The following IQCM variants were observed in gnomAD, a reference collection of about 807,000 sequenced individuals.
IQCM encodes the protein IQ domain-containing protein M.
IQCM carries 45 observed loss-of-function variants against 57.6 expected under a neutral mutation model. That is an observed-to-expected ratio of 0.78 (90% CI 0.62 to 1.00). IQCM has a LOEUF of 1.00. Among genes scored for constraint, IQCM ranks in the 50% least tolerant of loss-of-function variants. The probability of loss-of-function intolerance (pLI) is 0.00; values close to 1 mark genes in which losing one functional copy is unlikely to be tolerated. For synonymous variants in IQCM, 148 were observed against 158.9 expected, an observed-to-expected ratio of 0.93 and a Z score of 0.51; for missense variants, 468 against 511.6, an observed-to-expected ratio of 0.91 and a Z score of 0.82.
intron 13 of IQCM, among the ~76,000 whole-genome samples, chr4:149,376,747 AT>A (rs956789142): frequency 1.3e-5 from 2 of 152,238 alleles, no homozygotes; most frequent in African/African-American, 2.4e-5. Context: ...AATTAAACAT[AT>A]TTTTTGGGTC....
intron 9 of IQCM, among the ~76,000 whole-genome samples, chr4:149,584,116 T>C (rs2149992507): frequency 6.6e-6 from 1 of 151,662 alleles, no homozygotes; most frequent in African/African-American, 2.4e-5. Context: ...TTAAGACAAA[T>C]AGATATTTTA....
At chr4:149,723,042 G>A (rs996356088) in intron 5 of IQCM, among the ~76,000 whole-genome samples, 1 of 151,748 alleles carries the variant, frequency 6.6e-6, no homozygotes, top group Non-Finnish European at 1.5e-5. Context: ...ATCTTTTCTT[G>A]TAGTTATTGT....
chr4:149,652,435 A>C (rs948010746), intron 7 of IQCM, among the ~76,000 whole-genome samples: 5 of 152,140 alleles, frequency 3.3e-5, no homozygotes, highest in South Asian at 2.1e-4. Flanking sequence ...CACATTCAGC[A>C]CATGTATCCC....
chr4:149,742,938 G>C (rs1035385303), intron 2 of IQCM, among the ~76,000 whole-genome samples, 199 bp from the exon 3 acceptor site: 4 of 152,066 alleles, frequency 2.6e-5, no homozygotes, highest in Admixed American at 1.3e-4. Context: ...AGTTTATCGA[G>C]TACTCATATA....
chr4:149,599,945 G>A (rs1005898080), intron 8 of IQCM, among the ~76,000 whole-genome samples: 3 of 151,980 alleles, frequency 2.0e-5, no homozygotes, highest in Non-Finnish European at 2.9e-5. Context: ...TAATATACTT[G>A]TGTTCATATT....
At chr4:149,559,522 T>C (rs1749917757) in intron 10 of IQCM, among the ~76,000 whole-genome samples, 1 of 152,166 alleles carries the variant, frequency 6.6e-6, no homozygotes, top group African/African-American at 2.4e-5. Context: ...TTACTGGTCT[T>C]ATCCAATTGC....
intron 2 of IQCM, among the ~76,000 whole-genome samples, chr4:149,797,061 C>T (rs925384538): frequency 1.7e-4 from 26 of 152,066 alleles, no homozygotes; most frequent in African/African-American, 5.3e-4. Context: ...CTCACCAAAT[C>T]AACTAAATAA....
chr4:149,655,780 A>T (rs1178281919), intron 7 of IQCM, among the ~76,000 whole-genome samples: 1 of 152,142 alleles, frequency 6.6e-6, no homozygotes, highest in Admixed American at 6.6e-5. Context: ...AAATCACACA[A>T]CTTTATACTA....
intron 5 of IQCM, chr4:149,691,739 T>A (rs899359365): frequency 1.3e-5 from 2 of 152,104 alleles, no homozygotes; most frequent in Non-Finnish European, 2.9e-5. Flanking sequence ...GATACTCACA[T>A]CTGAATACAC....
At chr4:149,689,484 G>A (rs1474808687) in intron 5 of IQCM, among the ~76,000 whole-genome samples, 2 of 151,978 alleles carry the variant, frequency 1.3e-5, no homozygotes, top group Admixed American at 6.6e-5. Context: ...CATGGCACAT[G>A]TATACCTATG....
At chr4:149,419,272 TG>T (rs980959878) in intron 13 of IQCM, among the ~76,000 whole-genome samples, 34 of 152,206 alleles carry the variant, frequency 2.2e-4, no homozygotes, top group African/African-American at 8.2e-4. Flanking sequence ...CAAAACAGCA[TG>T]GTACTTGTAT....
chr4:149,550,277 T>C (rs556434346), intron 11 of IQCM, among the ~76,000 whole-genome samples: 1 of 152,206 alleles, frequency 6.6e-6, no homozygotes. Context: ...TTGCTTGATA[T>C]TGCACTCTTT....
chr4:149,697,591 C>G (rs560576850), intron 5 of IQCM, among the ~76,000 whole-genome samples: 1 of 152,044 alleles, frequency 6.6e-6, no homozygotes, highest in Non-Finnish European at 1.5e-5. Flanking sequence ...ACCATTGGTC[C>G]TTCTTGTCCT....
chr4:149,465,335 C>A (rs1738741902), intron 12 of IQCM, among the ~76,000 whole-genome samples: 1 of 152,032 alleles, frequency 6.6e-6, no homozygotes, highest in African/African-American at 2.4e-5. Flanking sequence ...TACACATAGG[C>A]CCTTGTGGCA....
chr4:149,419,893 A>G (rs1033804203), intron 13 of IQCM, among the ~76,000 whole-genome samples: 2 of 151,952 alleles, frequency 1.3e-5, no homozygotes, highest in Non-Finnish European at 2.9e-5. Context: ...ATGAAAAGAA[A>G]ATCAACATCA....
At chr4:149,392,125 G>GTT (rs34228770) in intron 13 of IQCM, among the ~76,000 whole-genome samples, 1,486 of 146,058 alleles carry the variant, frequency 0.01, 15 homozygotes, top group Middle Eastern at 0.028. Context: ...AATTTTGTCA[G>GTT]TTTTTTTTTT....
intron 7 of IQCM, among the ~76,000 whole-genome samples, chr4:149,665,645 A>T (rs529287016): frequency 6.6e-6 from 1 of 152,238 alleles, no homozygotes; most frequent in East Asian, 1.9e-4. Context: ...CTACGAGCTC[A>T]TTTTAGAGAG....
intron 13 of IQCM, among the ~76,000 whole-genome samples, chr4:149,396,698 G>T (rs111657201): frequency 5.9e-5 from 9 of 151,982 alleles, no homozygotes; most frequent in African/African-American, 2.2e-4. Context: ...TATTCCTATT[G>T]ATTAGTGACT....
intron 9 of IQCM, among the ~76,000 whole-genome samples, chr4:149,581,480 A>G (rs1334697968): frequency 6.6e-6 from 1 of 151,586 alleles, no homozygotes; most frequent in Non-Finnish European, 1.5e-5. Flanking sequence ...ATAGGTGAAG[A>G]GAGAAAGAAA....
Sources: gnomAD v4.1 joint callset for allele counts (sites outside exome capture counted in the v4.1 genomes callset) on GRCh38, gnomAD v4.1.1 for gene constraint, MANE v1.5 for transcripts, NCBI Gene and HGNC (gene_info 2026-07-23, HGNC 2026-07-21) for gene names.